Variants in NRXN2 observed in about 807,000 individuals in gnomAD.
NRXN2 encodes the protein neurexin-2-beta.
NRXN2 carries 29 observed loss-of-function variants against 128.8 expected under a neutral mutation model. That is an observed-to-expected ratio of 0.23 (90% confidence interval 0.17 to 0.31). The LOEUF (loss-of-function observed/expected upper bound fraction) is 0.31, where lower values mean the gene tolerates loss of function less well. NRXN2 is among the 10% of genes least tolerant of loss of function. The probability of loss-of-function intolerance (pLI) is 1.00; values close to 1 mark genes in which losing one functional copy is unlikely to be tolerated. For synonymous variants in NRXN2, 1,098 were observed against 1,075.2 expected, an observed-to-expected ratio of 1.02 and a Z score of -0.41; for missense variants, 1,881 against 2,452.6, an observed-to-expected ratio of 0.77 and a Z score of 4.92.
intron 17 of NRXN2, among the ~76,000 whole-genome samples, chr11:64,645,063 G>A (rs553839326): frequency 4.7e-4 from 72 of 152,276 alleles, no homozygotes; most frequent in African/African-American, 1.5e-3. Context: ...TTCCGGTGGT[G>A]CAGGGCCCCG....
At position 64,650,833 on chromosome 11, in the gene NRXN2, G is replaced by A. The variant is rs2285339; in HGVS notation, c.2919-195C>T. Among the ~76,000 whole-genome samples the A allele has an allele frequency of 0.26, 38,888 of 151,944 alleles. 5,494 individuals are homozygous for A. Among genetic ancestry groups the A allele is most frequent in the East Asian group, 0.48 (2,456 of 5,140 alleles). ...AGGTCCTGTCACGGGGAGAATGTAA[G>A]GAAGGAGGGCCACCAAGGAGCCGGC... On this transcript the variant is annotated intron_variant, in intron 14 of 22. Coordinates refer to ENST00000265459, the MANE Select transcript of NRXN2 (RefSeq NM_015080.4).
rs1194363136 is a variant in NRXN2 at position 64,635,579 on chromosome 11, A to G, written c.3404-127T>C. On this transcript the variant is annotated intron_variant, in intron 17 of 22. Transcript: ENST00000265459. This position sits in a 1 kb window ranked among gnomAD's most constrained non-coding sequence, Gnocchi z 4.8. ...ATGTGGGACTTCAGCTGTGATACCC[A>G]CAGCAGCCACCAGCCCTGCCACCCC... 6 of 1,063,686 alleles carry G rather than the reference A, an allele frequency of 5.6e-6. No individual in the cohort carries two copies. The highest frequency in any genetic ancestry group is 7.0e-6 in the Non-Finnish European group (5 of 716,098). The allele number at this position is 1,063,686 out of a possible 1,614,324, so 65.9% of individuals were successfully genotyped here.
At chr11:64,618,156 C>T (rs1565191378) in intron 22 of NRXN2, among the ~76,000 whole-genome samples, 1 of 152,224 alleles carries the variant, frequency 6.6e-6, no homozygotes, top group Non-Finnish European at 1.5e-5. Flanking sequence ...TGCCCTAATG[C>T]AGCCTAAAAG....
rs745871985 is a variant in NRXN2 at position 64,653,724 on chromosome 11, T to TG, written c.2390-3dup. The TG allele has an allele frequency of 1.5e-5, 23 of 1,580,004 alleles. No individual in the cohort carries two copies. Among genetic ancestry groups the TG allele is most frequent in the Non-Finnish European group, 1.2e-5 (14 of 1,163,944 alleles). ...GTGCGCAGCCGACGCGCAGGCAGTC[T>TG]GGGGGGGCCATGGGGCGGGCAGAGG... On this transcript the variant is annotated splice_polypyrimidine_tract_variant and splice_region_variant and intron_variant, in intron 11 of 22. Coordinates refer to ENST00000265459, the MANE Select transcript of NRXN2 (RefSeq NM_015080.4).
intron 5 of NRXN2, chr11:64,688,611 G>T (rs1193157257): frequency 3.0e-6 from 3 of 985,206 alleles, no homozygotes; most frequent in Middle Eastern, 5.2e-4. Flanking sequence ...GCGCGACTGG[G>T]AACTACAACT....
chr11:64,642,709 G>T, intron 17 of NRXN2: 1 of 1,479,016 alleles, frequency 6.8e-7, no homozygotes, highest in South Asian at 1.3e-5. Flanking sequence ...CGGCAGCAGA[G>T]GTGGCGGCGG....
At chr11:64,719,911 G>T (rs550294001) in intron 1 of NRXN2, among the ~76,000 whole-genome samples, 50 of 152,292 alleles carry the variant, frequency 3.3e-4, no homozygotes, top group African/African-American at 1.2e-3. Flanking sequence ...AATAAAAATA[G>T]CTACCATTTA....
intron 11 of NRXN2, among the ~76,000 whole-genome samples, chr11:64,657,917 T>C (rs1390701679): frequency 3.3e-5 from 5 of 152,178 alleles, no homozygotes. Context: ...GAGAGTCCTG[T>C]TATCTGTCAG....
rs2048807202 is a variant in NRXN2, at chr11:64,660,094, G to A, written c.2389+238C>T. ...CAGGGAGGACAGTTAGCATACCCCA[G>A]ATACTCTGGGTCTTGCCCCTCACAG... On this transcript the variant is annotated intron_variant, in intron 11 of 22. Coordinates refer to ENST00000265459, the MANE Select transcript of NRXN2 (RefSeq NM_015080.4). The surrounding 1 kb of genome is among the most constrained non-coding windows in gnomAD (Gnocchi z 5.2). Among the ~76,000 whole-genome samples the A allele has an allele frequency of 6.6e-6, 1 of 152,210 alleles. No individual in the cohort carries two copies. Among genetic ancestry groups the A allele is most frequent in the Non-Finnish European group, 1.5e-5 (1 of 68,032 alleles).
At chr11:64,642,608 A>G in intron 17 of NRXN2, 1 of 1,610,412 alleles carries the variant, frequency 6.2e-7, no homozygotes, top group South Asian at 1.1e-5. Flanking sequence ...TTGCTGTGGA[A>G]GTGGTGGACG....
intron 2 of NRXN2, among the ~76,000 whole-genome samples, chr11:64,701,168 A>G (rs1158967319): frequency 6.6e-6 from 1 of 152,164 alleles, no homozygotes; most frequent in Admixed American, 6.5e-5. Context: ...CATACACCGC[A>G]GCACAACAAA....
chr11:64,648,791 G>C lies in NRXN2; in HGVS notation c.3226C>G (p.Pro1076Ala), dbSNP rs753743115. ...TGCAGGGCGTCGGCGATGAGGTCTG[G>C]GAGACGTCCGTTGAGGTCCACTGAG... ...LASVDLNGRL[P>A]DLIADALHRI... Residue 1076 changes from proline (P) to alanine (A), a missense_variant, in exon 16 of 23, where the codon CCA becomes GCA. By Grantham distance (27) the Pro-to-Ala change is conservative. Transcript: ENST00000265459. The surrounding 1 kb of genome is among the most constrained non-coding windows in gnomAD (Gnocchi z 4.1). 14 of 1,614,178 alleles carry C rather than the reference G, an allele frequency of 8.7e-6. No individual in the cohort carries two copies. In the South Asian group the frequency reaches 1.5e-4, roughly 18 times the overall value.
In NRXN2 at chr11:64,607,013, G is replaced by A. The variant is rs147590275; in HGVS notation, c.*183C>T. 3.0e-6 allele frequency: 2 copies of A among 656,904 alleles called. No individual in the cohort carries two copies. The highest frequency in any genetic ancestry group is 3.6e-5 in the African/African-American group (2 of 54,924). 40.7% of individuals were successfully genotyped at this position (656,904 alleles called of 1,614,324 possible). Reference sequence around the variant, plus strand: ...CCGGGACTGACGAGGCCGCGCAGTGGACGGCAGGAGGAAGGGGGCGAGCAC... The same window carrying A: ...CCGGGACTGACGAGGCCGCGCAGTGAACGGCAGGAGGAAGGGGGCGAGCAC... On this transcript the variant is annotated 3_prime_UTR_variant, in exon 23 of 23. Coordinates refer to ENST00000265459, the MANE Select transcript of NRXN2 (RefSeq NM_015080.4).
At chr11:64,704,156 C>G (rs2055880067) in intron 2 of NRXN2, among the ~76,000 whole-genome samples, 1 of 152,084 alleles carries the variant, frequency 6.6e-6, no homozygotes, top group Admixed American at 6.5e-5. Flanking sequence ...GACAGAATAA[C>G]CCAACATAGG....
intron 17 of NRXN2, chr11:64,642,717 CGGCGGCGGTGGA>C (rs1344021952): frequency 1.4e-6 from 2 of 1,457,120 alleles, no homozygotes; most frequent in East Asian, 3.0e-5. Context: ...GAGGTGGCGG[CGGCGGCGGTGGA>C]GGCGGCGGCA....
Position 64,631,795 on chromosome 11 carries a change from C to T in NRXN2, c.3586-1222G>A, listed in dbSNP as rs1441450711. Among the ~76,000 whole-genome samples the T allele has an allele frequency of 6.6e-6, 1 of 152,112 alleles. No individual in the cohort carries two copies. The highest frequency in any genetic ancestry group is 1.5e-5 in the Non-Finnish European group (1 of 68,018). On this transcript the variant is annotated intron_variant, in intron 18 of 22. Transcript: ENST00000265459. The surrounding 1 kb of genome is among the most constrained non-coding windows in gnomAD (Gnocchi z 4.8). Reference sequence around the variant, plus strand: ...GGCCTACCTTCAACACCAAAGGCATCTAACCAAGCCAACGAAGGCCCATTA... The same window carrying T: ...GGCCTACCTTCAACACCAAAGGCATTTAACCAAGCCAACGAAGGCCCATTA...
rs373885284 is a variant in NRXN2 at position 64,642,576 on chromosome 11, G to A, written c.3403+5643C>T. 21 of 1,611,156 alleles carry A rather than the reference G, an allele frequency of 1.3e-5. No homozygotes were observed. The African/African-American group carries it at 2.8e-4, about 22-fold the overall frequency. On this transcript the variant is annotated intron_variant, in intron 17 of 22. Coordinates refer to ENST00000265459, the MANE Select transcript of NRXN2 (RefSeq NM_015080.4). ...GGGTGAGGAAGGGCATGCGGTTGAT[G>A]GCGATGGGCACGGTGCCGTGCTTGC...
Position 64,714,285 on chromosome 11 carries a change from A to C in NRXN2, c.-244-342T>G, listed in dbSNP as rs978888474. Among the ~76,000 whole-genome samples the C allele has an allele frequency of 1.3e-5, 2 of 152,084 alleles. No individual in the cohort carries two copies. The highest frequency in any genetic ancestry group is 4.8e-5 in the African/African-American group (2 of 41,406). ...AGGACCAAGGCCAGCTCCTTGAGCGAGGCCTGGGAACTCTCCTCCGCCTGG... is the reference window on the plus strand; with the variant it reads ...AGGACCAAGGCCAGCTCCTTGAGCGCGGCCTGGGAACTCTCCTCCGCCTGG... On this transcript the variant is annotated intron_variant, in intron 1 of 22. Coordinates refer to ENST00000265459, the MANE Select transcript of NRXN2 (RefSeq NM_015080.4). This position sits in a 1 kb window ranked among gnomAD's most constrained non-coding sequence, Gnocchi z 4.5.
intron 7 of NRXN2, 132 bp downstream of exon 7, chr11:64,676,861 G>A: frequency 4.1e-6 from 3 of 730,564 alleles, no homozygotes; most frequent in Non-Finnish European, 7.5e-6. Flanking sequence ...AGATTGTCCA[G>A]GACGCAAAAA....
Sources: gnomAD v4.1 joint callset for allele counts (sites outside exome capture counted in the v4.1 genomes callset) on GRCh38, gnomAD v4.1.1 for gene constraint, Gnocchi (gnomAD v3.1) non-coding constraint, MANE v1.5 for transcripts, NCBI Gene and HGNC (gene_info 2026-07-23, HGNC 2026-07-21) for gene names.